The following SYNC variants were observed in gnomAD, a reference collection of about 807,000 sequenced individuals.
SYNC encodes syncoilin, intermediate filament protein.
In SYNC, 38 loss-of-function variants were observed where a neutral mutation model predicts 49.5. The ratio of observed to expected loss-of-function variants is 0.77; its 90% CI spans 0.59 to 1.01. The LOEUF (loss-of-function observed/expected upper bound fraction) is 1.01, where lower values mean the gene tolerates loss of function less well. Among genes scored for constraint, SYNC ranks in the 50% least tolerant of loss-of-function variants. The pLI, the probability that SYNC is intolerant of heterozygous loss-of-function variation, is 0.00. For synonymous variants in SYNC, 201 were observed against 230.8 expected, an observed-to-expected ratio of 0.87 and a Z score of 1.17; for missense variants, 579 against 580.6, an observed-to-expected ratio of 1.00 and a Z score of 0.03.
intron 4 of SYNC, chr1:32,683,595 G>A (rs1649596977): frequency 6.4e-6 from 1 of 155,862 alleles, no homozygotes; most frequent in African/African-American, 2.4e-5. Flanking sequence ...TTATCCCCTT[G>A]TCATTAGGCA....
intron 1 of SYNC, among the ~76,000 whole-genome samples, chr1:32,700,594 G>A (rs1650628364): frequency 6.6e-6 from 1 of 152,188 alleles, no homozygotes; most frequent in Non-Finnish European, 1.5e-5. Context: ...CTACTCAGGA[G>A]GCTGAAGCAG....
chr1:32,694,727 G>GA, intron 2 of SYNC, 138 bp downstream of exon 2: 1 of 795,634 alleles, frequency 1.3e-6, no homozygotes, highest in East Asian at 2.5e-5. Context: ...GAAGAATGGA[G>GA]AAAAAATTGC....
intron 1 of SYNC, among the ~76,000 whole-genome samples, chr1:32,700,791 C>T (rs1271694312): frequency 6.6e-6 from 1 of 152,186 alleles, no homozygotes; most frequent in Non-Finnish European, 1.5e-5. Context: ...CAAGGTTCCA[C>T]AACTGTTGTA....
chr1:32,696,409 G>A (rs533385614), intron 1 of SYNC, among the ~76,000 whole-genome samples: 1 of 151,842 alleles, frequency 6.6e-6, no homozygotes, highest in Non-Finnish European at 1.5e-5. Flanking sequence ...CTGTCCCCCA[G>A]TTCATGCGAT....
At position 32,702,166 on chromosome 1, in the gene SYNC, A is replaced by C. The variant is rs957993922; in HGVS notation, c.53+442T>G. On this transcript the variant is annotated intron_variant, in intron 1 of 4. Transcript: ENST00000409190. This position sits in a 1 kb window ranked among gnomAD's most constrained non-coding sequence, Gnocchi z 6.2. ...ATCCCAGGCCAGACGGGAGAGAACA[A>C]GCCCTGACAGACTCTTAACTTCAAG... 1.3e-5 allele frequency among the ~76,000 whole-genome samples: 2 copies of C among 152,228 alleles called. No homozygotes were observed. The highest frequency in any genetic ancestry group is 2.9e-5 in the Non-Finnish European group (2 of 68,032).
intron 2 of SYNC, among the ~76,000 whole-genome samples, chr1:32,693,230 G>A (rs187427732): frequency 2.0e-5 from 3 of 152,002 alleles, no homozygotes; most frequent in Admixed American, 2.0e-4. Context: ...CTACAGGCAT[G>A]TGCCACCATG....
intron 2 of SYNC, chr1:32,685,146 A>G (rs2148545738): frequency 6.6e-6 from 1 of 152,326 alleles, no homozygotes; most frequent in East Asian, 1.9e-4. Context: ...CACTGTGCCC[A>G]GCTTATCCTT....
In SYNC at chr1:32,680,044, G is replaced by A; in HGVS notation, c.*1806C>T. ...CTCATTTAAGTAAAGGCTAGAGTGA[G>A]TAAGGAATAGAGCCAAATGAGGTAG... On this transcript the variant is annotated 3_prime_UTR_variant, in exon 5 of 5. Transcript: ENST00000409190. 1 of 1,095,296 alleles carries A rather than the reference G, an allele frequency of 9.1e-7. No homozygotes were observed. Among genetic ancestry groups the A allele is most frequent in the South Asian group, 3.2e-5 (1 of 31,366 alleles). 67.8% of individuals were successfully genotyped at this position (1,095,296 alleles called of 1,614,324 possible).
At chr1:32,694,102 A>C (rs1650292109) in intron 2 of SYNC, among the ~76,000 whole-genome samples, 1 of 152,056 alleles carries the variant, frequency 6.6e-6, no homozygotes, top group Non-Finnish European at 1.5e-5. Context: ...GGTGGCACAC[A>C]CTTGTAGTCC....
exon 1 of SYNC, chr1:32,702,767 TCCCGGCCGGCC>T (rs1650721472): frequency 1.0e-6 from 1 of 961,080 alleles, no homozygotes; most frequent in South Asian, 4.9e-5. The surrounding 1 kb of genome is among the most constrained non-coding windows in gnomAD (Gnocchi z 6.2). Flanking sequence ...CGACACCGGA[TCCCGGCCGGCC>T]CCGGGCCGGG....
chr1:32,680,075 T>C lies in SYNC; in HGVS notation c.*1775A>G, dbSNP rs1169015299. The C allele has an allele frequency of 9.3e-7, 1 of 1,072,156 alleles. No individual in the cohort carries two copies. The highest frequency in any genetic ancestry group is 1.1e-6 in the Non-Finnish European group (1 of 887,216). The allele number at this position is 1,072,156 out of a possible 1,614,324, so 66.4% of individuals were successfully genotyped here. A position where few individuals can be genotyped will look rare whatever the true frequency, so the allele number is the denominator to read the frequency against. On this transcript the variant is annotated 3_prime_UTR_variant, in exon 5 of 5. Transcript: ENST00000409190. ...AATAGAGCCAAATGAGGTAGGTGTCTGAGCCATGAAGTATAAATACTGAAA... is the reference window on the plus strand; with the variant it reads ...AATAGAGCCAAATGAGGTAGGTGTCCGAGCCATGAAGTATAAATACTGAAA...
Position 32,681,860 on chromosome 1 carries a change from C to T in SYNC, c.1439G>A (p.Gly480Glu), listed in dbSNP as rs1649460296. ...TTTGGCCATATATTTCTAAACAGCCCCTGTAAAGTTGAAAGAAAAAGTTTA... is the reference window on the plus strand; with the variant it reads ...TTTGGCCATATATTTCTAAACAGCCTCTGTAAAGTTGAAAGAAAAAGTTTA... Reference protein sequence around the residue: ...QAGGMETQSQGAV With the variant: ...QAGGMETQSQEAV Residue 480 changes from glycine (G) to glutamate (E), a missense_variant and splice_region_variant, in exon 5 of 5, where the codon GGG becomes GAG. Physicochemically the swap from Gly to Glu is moderately conservative, Grantham distance 98 (BLOSUM62 -2). Coordinates refer to ENST00000409190, the MANE Select transcript of SYNC (RefSeq NM_030786.3). 9.3e-6 allele frequency: 15 copies of T among 1,613,748 alleles called. No homozygotes were observed. Among genetic ancestry groups the T allele is most frequent in the Admixed American group, 1.7e-5 (1 of 59,974 alleles).
chr1:32,692,703 G>A (rs1002479536), intron 2 of SYNC, among the ~76,000 whole-genome samples: 7 of 151,978 alleles, frequency 4.6e-5, no homozygotes, highest in Non-Finnish European at 7.4e-5. Flanking sequence ...CTGAGATCAT[G>A]CCACTGCACT....
At chr1:32,688,318 T>TTA (rs1557871997) in intron 2 of SYNC, among the ~76,000 whole-genome samples, 89 of 152,280 alleles carry the variant, frequency 5.8e-4, no homozygotes, top group Middle Eastern at 3.4e-3. Flanking sequence ...CTCATAGAGA[T>TTA]GTAAGGACTA....
intron 2 of SYNC, among the ~76,000 whole-genome samples, chr1:32,692,445 G>C (rs1650210791): frequency 1.3e-5 from 2 of 152,134 alleles, no homozygotes; most frequent in African/African-American, 4.8e-5. Flanking sequence ...AATATGAAGA[G>C]TTTAAAAACA....
At position 32,698,038 on chromosome 1, in the gene SYNC, C is replaced by T. The variant is rs1029259402; in HGVS notation, c.54-1994G>A. ...AGGAGTTCGAGATCAGCCTAGCCAACATGGTGAAACCCCGTCTCTACTAAA... is the reference window on the plus strand; with the variant it reads ...AGGAGTTCGAGATCAGCCTAGCCAATATGGTGAAACCCCGTCTCTACTAAA... On this transcript the variant is annotated intron_variant, in intron 1 of 4. Transcript: ENST00000409190. 3.3e-5 allele frequency among the ~76,000 whole-genome samples: 5 copies of T among 151,854 alleles called. No individual in the cohort carries two copies. In the South Asian group the frequency reaches 1.0e-3, roughly 31 times the overall value.
Position 32,695,173 on chromosome 1 carries a change from G to T in SYNC, c.925C>A (p.Pro309Thr). The T allele has an allele frequency of 6.3e-7, 1 of 1,580,582 alleles. No homozygotes were observed. Among genetic ancestry groups the T allele is most frequent in the East Asian group, 2.3e-5 (1 of 42,872 alleles). ...KEQLRQQLEA[P>T]PSQRDGHFLQ... Reference sequence around the variant, plus strand: ...AAGTGCCCATCCCTCTGGCTTGGAGGGGCTTCTAGTTGTTGCCGCAGCTGC... The same window carrying T: ...AAGTGCCCATCCCTCTGGCTTGGAGTGGCTTCTAGTTGTTGCCGCAGCTGC... Residue 309 changes from proline to threonine, a missense_variant, in exon 2 of 5, where the codon CCT becomes ACT. Coordinates refer to ENST00000409190, the MANE Select transcript of SYNC (RefSeq NM_030786.3).
At chr1:32,692,641 G>A (rs924657883) in intron 2 of SYNC, among the ~76,000 whole-genome samples, 14 of 152,060 alleles carry the variant, frequency 9.2e-5, no homozygotes, top group African/African-American at 3.4e-4. Context: ...AGCAACTTGG[G>A]AGACTGAGGC....
Position 32,689,235 on chromosome 1 carries a change from C to CTTTTTTTTTTTTTTTTTT in SYNC, c.1234-4871_1234-4854dup, listed in dbSNP as rs71006360. Among the ~76,000 whole-genome samples the CTTTTTTTTTTTTTTTTTT allele has an allele frequency of 2.6e-4, 11 of 41,536 alleles. 4 individuals are homozygous for CTTTTTTTTTTTTTTTTTT. Among genetic ancestry groups the CTTTTTTTTTTTTTTTTTT allele is most frequent in the East Asian group, 1.7e-3 (2 of 1,190 alleles). The allele number at this position is 41,536 out of a possible 152,430, so 27.2% of individuals were successfully genotyped here. On this transcript the variant is annotated intron_variant, in intron 2 of 4. Coordinates refer to ENST00000409190, the MANE Select transcript of SYNC (RefSeq NM_030786.3). Reference sequence around the variant, plus strand: ...ACAGGCGTGAGGCACCTCGCCTGGCCTTTTTTTTTTTTTTTTTTTTTTTTT... The same window carrying CTTTTTTTTTTTTTTTTTT: ...ACAGGCGTGAGGCACCTCGCCTGGCCTTTTTTTTTTTTTTTTTTTTTTTTTTTTTTTTTTTTTTTTTTT...
Sources: gnomAD v4.1 joint callset for allele counts (sites outside exome capture counted in the v4.1 genomes callset) on GRCh38, gnomAD v4.1.1 for gene constraint, Gnocchi (gnomAD v3.1) non-coding constraint, MANE v1.5 for transcripts, NCBI Gene and HGNC (gene_info 2026-07-23, HGNC 2026-07-21) for gene names.